NUP210L: variants seen among roughly 807,000 people sequenced by gnomAD.
The protein encoded by NUP210L is nucleoporin 210 like.
NUP210L carries 74 observed loss-of-function variants against 208.5 expected under a neutral mutation model. The observed-to-expected ratio is 0.35, with a 90% CI of 0.29 to 0.43. The LOEUF (loss-of-function observed/expected upper bound fraction) is 0.43, where lower values mean the gene tolerates loss of function less well. Among genes scored for constraint, NUP210L ranks in the 20% least tolerant of loss-of-function variants. The probability of loss-of-function intolerance (pLI) is 1.00; values close to 1 mark genes in which losing one functional copy is unlikely to be tolerated. For synonymous variants in NUP210L, 780 were observed against 816.9 expected (o/e 0.95, Z 0.77); for missense variants, 1,843 against 2,289.4 (o/e 0.81, Z 3.98).
chr1:154,034,463 G>A (rs1652422209), intron 27 of NUP210L, among the ~76,000 whole-genome samples: 1 of 152,060 alleles, frequency 6.6e-6, no homozygotes, highest in Admixed American at 6.6e-5. Context: ...CGAGTAGCTG[G>A]AATTAGAGGT....
At chr1:154,038,927 T>C (rs112588991) in intron 27 of NUP210L, among the ~76,000 whole-genome samples, 116 of 152,356 alleles carry the variant, frequency 7.6e-4, no homozygotes, top group African/African-American at 2.2e-3. Context: ...TCCTGTTTTT[T>C]AACTTTTTGT....
exon 2 of NUP210L, chr1:154,152,763 T>C (rs1659463599): frequency 6.2e-7 from 1 of 1,614,038 alleles, no homozygotes; most frequent in Non-Finnish European, 8.5e-7. Context: ...ATAATACTGC[T>C]GAGGCGTATC....
At chr1:154,009,792 CAAA>C (rs373230285) in intron 35 of NUP210L, among the ~76,000 whole-genome samples, 177 bp downstream of exon 35, 4 of 64,556 alleles carry the variant, frequency 6.2e-5, no homozygotes, top group Admixed American at 1.8e-4. Context: ...GACCCAGTCT[CAAA>C]AAAAAAAAAA....
At chr1:154,053,757 T>A (rs766202057) in intron 25 of NUP210L, among the ~76,000 whole-genome samples, 4 of 152,322 alleles carry the variant, frequency 2.6e-5, no homozygotes, top group African/African-American at 4.8e-5. Context: ...GCTTGCTGTC[T>A]ATAAATATGT....
chr1:154,032,289 C>T (rs949230410), intron 27 of NUP210L, among the ~76,000 whole-genome samples: 6 of 152,086 alleles, frequency 3.9e-5, no homozygotes, highest in African/African-American at 1.4e-4. Flanking sequence ...AACTATGCTC[C>T]ATAGTGATTG....
At chr1:154,063,089 C>T (rs1654223884) in intron 17 of NUP210L, among the ~76,000 whole-genome samples, 2 of 152,120 alleles carry the variant, frequency 1.3e-5, no homozygotes, top group African/African-American at 2.4e-5. Flanking sequence ...AAACACAATC[C>T]TTGCCTTCAA....
At chr1:154,152,104 A>AAAGAAAG (rs371576390) in intron 2 of NUP210L, among the ~76,000 whole-genome samples, 15 of 119,884 alleles carry the variant, frequency 1.3e-4, no homozygotes, top group Non-Finnish European at 1.8e-4. Context: ...AAAAAAAAAA[A>AAAGAAAG]AAAGAAAGAA....
At chr1:154,027,921 T>C (rs762636199) in intron 28 of NUP210L, among the ~76,000 whole-genome samples, 17 of 152,146 alleles carry the variant, frequency 1.1e-4, no homozygotes, top group African/African-American at 1.7e-4. Context: ...AAAAATACTT[T>C]GAAATTTCTA....
intron 27 of NUP210L, among the ~76,000 whole-genome samples, chr1:154,043,417 C>T (rs944383964): frequency 8.6e-5 from 13 of 151,230 alleles, no homozygotes; most frequent in African/African-American, 2.7e-4. Flanking sequence ...CGGGTTCAAG[C>T]GATTCTCCTG....
chr1:154,135,670 C>T (rs1366180122), intron 7 of NUP210L, 144 bp downstream of exon 7: 5 of 618,874 alleles, frequency 8.1e-6, no homozygotes, highest in African/African-American at 3.7e-5. Flanking sequence ...ATCAGCCCGC[C>T]TCGGCCTCCC....
intron 34 of NUP210L, among the ~76,000 whole-genome samples, chr1:154,010,359 T>C (rs1650837274): frequency 6.6e-6 from 1 of 152,130 alleles, no homozygotes; most frequent in East Asian, 1.9e-4. Context: ...ATAGGTAGTG[T>C]CTTTTTTCAA....
rs1367802628 is a variant in NUP210L, at chr1:154,044,427, GA to G, written c.3696+1641del. 3.3e-5 allele frequency among the ~76,000 whole-genome samples: 5 copies of G among 149,606 alleles called. No individual in the cohort carries two copies. The East Asian group carries it at 9.8e-4, about 29-fold the overall frequency. ...TGTCTCAAAAAAAAAAAAAGAAAAA[GA>G]AAAAGAAAAAAGCCAAATCCTTACA... On this transcript the variant is annotated intron_variant, in intron 27 of 39. Coordinates refer to ENST00000368559, the Ensembl canonical transcript of NUP210L.
chr1:154,065,370 T>C (rs777657026), intron 17 of NUP210L, among the ~76,000 whole-genome samples: 12 of 151,706 alleles, frequency 7.9e-5, no homozygotes, highest in Admixed American at 4.6e-4. Flanking sequence ...TAGTAAGCTA[T>C]GATCTGCTCT....
At chr1:154,132,178 A>G (rs1478410911) in intron 7 of NUP210L, among the ~76,000 whole-genome samples, 2 of 152,186 alleles carry the variant, frequency 1.3e-5, no homozygotes, top group Non-Finnish European at 2.9e-5. Context: ...TTCCCATACG[A>G]ACCTTAAAAG....
chr1:154,017,633 C>T (rs1318095386), intron 33 of NUP210L, among the ~76,000 whole-genome samples: 4 of 150,670 alleles, frequency 2.7e-5, no homozygotes, highest in Non-Finnish European at 5.9e-5. Flanking sequence ...TCTCCTACCT[C>T]AGCCTCCTGA....
chr1:154,007,856 G>A (rs553096327), intron 35 of NUP210L, among the ~76,000 whole-genome samples: 2 of 151,252 alleles, frequency 1.3e-5, no homozygotes, highest in South Asian at 4.2e-4. Context: ...CTACAGGCAT[G>A]AGCCACTGCG....
chr1:154,080,235 C>T (rs372903191), intron 16 of NUP210L, among the ~76,000 whole-genome samples: 3 of 151,934 alleles, frequency 2.0e-5, no homozygotes, highest in South Asian at 4.1e-4. Flanking sequence ...TGGCGCATGC[C>T]TGTAATCCCA....
chr1:154,037,163 C>T (rs1652600926), intron 27 of NUP210L, among the ~76,000 whole-genome samples: 2 of 152,108 alleles, frequency 1.3e-5, no homozygotes, highest in African/African-American at 4.8e-5. Flanking sequence ...TATTCTGCAG[C>T]TGTTGAATAG....
rs1264102632 is a variant in NUP210L at position 154,097,998 on chromosome 1, A to G, written c.1965+2000T>C. On this transcript the variant is annotated intron_variant, in intron 14 of 39. Coordinates refer to ENST00000368559, the Ensembl canonical transcript of NUP210L. ...TGCTTGGCTCATGCTACCAGCCTGG[A>G]TCTCACACCTGCCAAGGGTGAGCCA... is the stretch of plus-strand genomic sequence containing the variant. 2.0e-5 allele frequency among the ~76,000 whole-genome samples: 3 copies of G among 152,072 alleles called. 1 individual carries two copies. The highest frequency in any genetic ancestry group is 7.2e-5 in the African/African-American group (3 of 41,414).
Sources: gnomAD v4.1 joint callset for allele counts (sites outside exome capture counted in the v4.1 genomes callset) on GRCh38, gnomAD v4.1.1 for gene constraint, MANE v1.5 for transcripts, NCBI Gene and HGNC (gene_info 2026-07-23, HGNC 2026-07-21) for gene names.